EXTL1: variants seen among roughly 807,000 people sequenced by gnomAD.
EXTL1 encodes exostosin like glycosyltransferase 1.
In EXTL1, 43 loss-of-function variants were observed where a neutral mutation model predicts 64.6. The observed-to-expected ratio is 0.67, with a 90% CI of 0.52 to 0.86. The LOEUF is 0.86. Ranked by LOEUF, EXTL1 falls within the 40% of genes least tolerant of loss-of-function variation. The pLI is 0.00. For missense variants in EXTL1, 766 were observed against 879.0 expected, an observed-to-expected ratio of 0.87 and a Z score of 1.62; for synonymous variants, 352 against 360.5, an observed-to-expected ratio of 0.98 and a Z score of 0.27.
Position 26,031,194 on chromosome 1 carries a change from AG to A in EXTL1, c.1168del (p.Ala390HisfsTer33). 1 of 1,613,800 alleles carries A rather than the reference AG, an allele frequency of 6.2e-7. No homozygotes were observed. Among genetic ancestry groups the A allele is most frequent in the East Asian group, 2.2e-5 (1 of 44,878 alleles). ...CCTCACTGCTGTGGAACAGCCCCCC[AG>A]GGGCACTCCTGGCCCTGTCTACTTT... ...HPSLLWNSPP[G>X]ALLALSTFST... On this transcript the variant is annotated frameshift_variant, in exon 5 of 11. Coordinates refer to ENST00000374280, the MANE Select transcript of EXTL1 (RefSeq NM_004455.3). LOFTEE classifies it high-confidence loss of function.
Position 26,022,738 on chromosome 1 carries a change from G to T in EXTL1, c.92G>T (p.Arg31Leu), listed in dbSNP as rs749852115. The T allele has an allele frequency of 6.2e-7, 1 of 1,613,958 alleles. No homozygotes were observed. ...LVLLGGFSLL[R>L]LALPPRPRPG... ...CTGCTGGGAGGCTTCTCCCTTCTCC[G>T]CCTGGCATTGCCTCCCAGACCTCGG... The change falls in exon 1 of 11, where the codon CGC becomes CTC. Residue 31 changes from arginine to leucine, a missense_variant. Physicochemically the swap from Arg to Leu is moderately radical, Grantham distance 102. Transcript: ENST00000374280.
In EXTL1 at chr1:26,022,416, GC is replaced by G. The variant is rs1363998720; in HGVS notation, c.-229del. ...AAGGCAGAGTCCTGAGAGCAGGGGG[GC>G]CAGGCCAGCAAGCTGGGTCCCACCT... On this transcript the variant is annotated 5_prime_UTR_variant, in exon 1 of 11. The change abolishes the stop of an existing upstream ORF in the 5' untranslated region. Coordinates refer to ENST00000374280, the MANE Select transcript of EXTL1 (RefSeq NM_004455.3). 1 of 498,294 alleles carries G rather than the reference GC, an allele frequency of 2.0e-6. No individual in the cohort carries two copies. The highest frequency in any genetic ancestry group is 3.6e-6 in the Non-Finnish European group (1 of 281,206). 30.9% of individuals were successfully genotyped at this position (498,294 alleles called of 1,614,324 possible). A position where few individuals can be genotyped will look rare whatever the true frequency, so the allele number is the denominator to read the frequency against.
chr1:26,023,454 G>C, intron 1 of EXTL1, 29 bp downstream of exon 1: 2 of 1,425,614 alleles, frequency 1.4e-6, no homozygotes, highest in Non-Finnish European at 9.2e-7. Context: ...TTGGGGGCTG[G>C]ATGGGAGGGG....
intron 4 of EXTL1, 92 bp downstream of exon 4, chr1:26,030,687 A>AT: frequency 8.4e-7 from 1 of 1,183,748 alleles, no homozygotes; most frequent in Non-Finnish European, 1.1e-6. Context: ...TGTTTGGGGA[A>AT]CCCCCCCCCC....
In EXTL1 at chr1:26,033,905, A is replaced by ACCCCAC. The variant is rs2050313068; in HGVS notation, c.1679+59_1679+64dup. ...GGATCAGAGTATCAGAGGACCAGAG[A>ACCCCAC]CCCCACCCCCACCCCGAACGGAGCA... On this transcript the variant is annotated intron_variant, in intron 9 of 10. Transcript: ENST00000374280. This position sits in a 1 kb window ranked among gnomAD's most constrained non-coding sequence, Gnocchi z 5.1. The ACCCCAC allele has an allele frequency of 1.9e-6, 3 of 1,539,572 alleles. No individual in the cohort carries two copies. In the South Asian group the frequency reaches 3.6e-5, roughly 19 times the overall value.
intron 2 of EXTL1, 53 bp downstream of exon 2, chr1:26,029,339 C>A: frequency 7.0e-7 from 1 of 1,437,814 alleles, no homozygotes; most frequent in East Asian, 2.3e-5. Context: ...CACTCATGAG[C>A]TGGCAGGGTA....
At chr1:26,030,690 C>CA (rs2050273864) in intron 4 of EXTL1, 95 bp downstream of exon 4, 21 of 1,359,610 alleles carry the variant, frequency 1.5e-5, no homozygotes, top group Non-Finnish European at 2.0e-5. Context: ...TTGGGGAACC[C>CA]CCCCCCCTTC....
chr1:26,032,865 C>G (rs1211359201), intron 7 of EXTL1, among the ~76,000 whole-genome samples: 2 of 152,190 alleles, frequency 1.3e-5, no homozygotes, highest in Non-Finnish European at 2.9e-5. Context: ...GGGCAAGTCC[C>G]TTCGTCTCTC....
rs749696379 is a variant in EXTL1 at position 26,031,254 on chromosome 1, C to T, written c.1224C>T (p.Tyr408=). 6.2e-7 allele frequency: 1 copy of T among 1,613,740 alleles called. No homozygotes were observed. The highest frequency in any genetic ancestry group is 1.1e-5 in the South Asian group (1 of 91,042). The change falls in exon 5 of 11, where the codon TAC becomes TAT. Residue 408 remains tyrosine, a synonymous_variant. Transcript: ENST00000374280. ...STSPQDFPFY[Y]LQQGSRPEGR... ...GCCCCCAGGACTTCCCCTTCTACTA[C>T]CTGCAACAGGGTATGCCCTGGGGAT...
rs998111964 is a variant in EXTL1, at chr1:26,035,884, G to A, written c.*537G>A. 6.6e-5 allele frequency: 10 copies of A among 152,654 alleles called. No homozygotes were observed. Among genetic ancestry groups the A allele is most frequent in the African/African-American group, 2.2e-4 (9 of 41,458 alleles). The allele number at this position is 152,654 out of a possible 1,614,324, so 9.5% of individuals were successfully genotyped here. A position where few individuals can be genotyped will look rare whatever the true frequency, so the allele number is the denominator to read the frequency against. On this transcript the variant is annotated 3_prime_UTR_variant, in exon 11 of 11. Coordinates refer to ENST00000374280, the MANE Select transcript of EXTL1 (RefSeq NM_004455.3). This position sits in a 1 kb window ranked among gnomAD's most constrained non-coding sequence, Gnocchi z 5.3. ...CCCTATGAGGGCGGCGGCGGGACAG[G>A]GTGAGCGGAGAGACAGAACTGTCCC...
At chr1:26,031,351 C>T (rs2050283958) in intron 5 of EXTL1, 87 bp downstream of exon 5, 3 of 1,526,022 alleles carry the variant, frequency 2.0e-6, no homozygotes, top group Admixed American at 4.0e-5. Flanking sequence ...CACCAAGACC[C>T]TTTCCAAGCC....
In EXTL1 at chr1:26,033,392, A is replaced by G. The variant is rs1195653522; in HGVS notation, c.1518+77A>G. 5 of 1,279,790 alleles carry G rather than the reference A, an allele frequency of 3.9e-6. No individual in the cohort carries two copies. The African/African-American group carries it at 7.3e-5, about 19-fold the overall frequency. 79.3% of individuals were successfully genotyped at this position (1,279,790 alleles called of 1,614,324 possible). On this transcript the variant is annotated intron_variant, in intron 8 of 10. Transcript: ENST00000374280. This position sits in a 1 kb window ranked among gnomAD's most constrained non-coding sequence, Gnocchi z 5.1. ...GGCCCTGGCAGCCCCTCAGGTTCCC[A>G]GGGTTGAGGGGACCCCAGGTCATGA... is the stretch of plus-strand genomic sequence containing the variant.
rs752288849 is a variant in EXTL1, at chr1:26,035,199, C to T, written c.1883C>T (p.Pro628Leu). 4.3e-6 allele frequency: 7 copies of T among 1,611,670 alleles called. No homozygotes were observed. Among genetic ancestry groups the T allele is most frequent in the South Asian group, 1.1e-5 (1 of 91,046 alleles). Reference protein sequence around the residue: ...PGGPGPRPKPPAPAPDCINQI... With the variant: ...PGGPGPRPKPLAPAPDCINQI... The stretch of plus-strand genomic sequence containing the variant: ...GGCCCGGGGCCCAGGCCAAAGCCGC[C>T]TGCCCCAGCCCCCGACTGCATCAAC... The change falls in exon 11 of 11, where the codon CCT (proline) becomes CTT (leucine). Residue 628 changes from proline to leucine, a missense_variant. By Grantham distance (98) the Pro-to-Leu change is moderately conservative (BLOSUM62 -3). Coordinates refer to ENST00000374280, the MANE Select transcript of EXTL1 (RefSeq NM_004455.3). This position sits in a 1 kb window ranked among gnomAD's most constrained non-coding sequence, Gnocchi z 5.3.
chr1:26,030,440 T>C, intron 3 of EXTL1, 36 bp from the exon 4 acceptor site: 4 of 1,591,878 alleles, frequency 2.5e-6, no homozygotes, highest in Non-Finnish European at 3.4e-6. Context: ...TCAAAATTGC[T>C]CTATTACCTG....
intron 1 of EXTL1, among the ~76,000 whole-genome samples, chr1:26,028,195 G>C (rs2050239373): frequency 6.6e-6 from 1 of 152,158 alleles, no homozygotes; most frequent in Non-Finnish European, 1.5e-5. Context: ...GCTCTGGGGT[G>C]GTTCAGATAA....
chr1:26,024,249 C>T (rs1157161187), intron 1 of EXTL1, among the ~76,000 whole-genome samples: 1 of 152,126 alleles, frequency 6.6e-6, no homozygotes, highest in Non-Finnish European at 1.5e-5. Flanking sequence ...CCCCAGCAGG[C>T]CAGCAGCCTC....
chr1:26,031,063 G>A, intron 4 of EXTL1, 69 bp from the exon 5 acceptor site: 1 of 1,596,128 alleles, frequency 6.3e-7, no homozygotes, highest in Non-Finnish European at 8.6e-7. Flanking sequence ...CCTCCCCAGA[G>A]CCTGGAAGGG....
At position 26,035,466 on chromosome 1, in the gene EXTL1, C is replaced by G; in HGVS notation, c.*119C>G. The G allele has an allele frequency of 1.1e-6, 1 of 940,884 alleles. No individual in the cohort carries two copies. Among genetic ancestry groups the G allele is most frequent in the Non-Finnish European group, 1.6e-6 (1 of 644,278 alleles). 58.3% of individuals were successfully genotyped at this position (940,884 alleles called of 1,614,324 possible). Reference sequence around the variant, plus strand: ...AACCTATCATGTCAGCCAGCGGGCCCACACGTCGGACCCCGGTTGGCCAAT... The same window carrying G: ...AACCTATCATGTCAGCCAGCGGGCCGACACGTCGGACCCCGGTTGGCCAAT... On this transcript the variant is annotated 3_prime_UTR_variant, in exon 11 of 11. Transcript: ENST00000374280. This position sits in a 1 kb window ranked among gnomAD's most constrained non-coding sequence, Gnocchi z 5.3.
chr1:26,022,639 G>T lies in EXTL1; in HGVS notation c.-8G>T. On this transcript the variant is annotated 5_prime_UTR_variant, in exon 1 of 11. Coordinates refer to ENST00000374280, the MANE Select transcript of EXTL1 (RefSeq NM_004455.3). ...CCAGCTTCCCTAGCCCTGACTGTGG[G>T]TGGCCACATGCAGTCGTGGAGGAGA... is the stretch of plus-strand genomic sequence containing the variant. 6.4e-7 allele frequency: 1 copy of T among 1,573,166 alleles called. No homozygotes were observed. Among genetic ancestry groups the T allele is most frequent in the Non-Finnish European group, 8.6e-7 (1 of 1,158,098 alleles).
Sources: gnomAD v4.1 joint callset for allele counts (sites outside exome capture counted in the v4.1 genomes callset) on GRCh38, gnomAD v4.1.1 for gene constraint, Gnocchi (gnomAD v3.1) non-coding constraint, MANE v1.5 for transcripts, NCBI Gene and HGNC (gene_info 2026-07-23, HGNC 2026-07-21) for gene names.